MYCBP2: variants seen among roughly 807,000 people sequenced by gnomAD.
The protein encoded by MYCBP2 is E3 ubiquitin-protein ligase MYCBP2.
In MYCBP2, 120 loss-of-function variants were observed where a neutral mutation model predicts 525.3. The observed-to-expected ratio is 0.23, with a 90% CI of 0.20 to 0.27. The LOEUF is 0.27. Ranked by LOEUF, MYCBP2 falls within the 10% of genes least tolerant of loss-of-function variation. MYCBP2 has a pLI of 1.00. For synonymous variants in MYCBP2, 1,894 were observed against 1,955.8 expected (o/e 0.97, Z 0.83); for missense variants, 4,149 against 5,657.1 (o/e 0.73, Z 8.55).
chr13:77,292,424 C>T (rs186620786), intron 2 of MYCBP2, among the ~76,000 whole-genome samples: 51 of 151,934 alleles, frequency 3.4e-4, no homozygotes, highest in Non-Finnish European at 2.9e-5. Flanking sequence ...CACATACACA[C>T]ACAAGTGCAT....
chr13:77,234,510 T>G (rs1432940688), intron 17 of MYCBP2, among the ~76,000 whole-genome samples: 1 of 151,964 alleles, frequency 6.6e-6, no homozygotes, highest in African/African-American at 2.4e-5. Flanking sequence ...TTTCTAGATA[T>G]AAACAAAAAT....
intron 78 of MYCBP2, among the ~76,000 whole-genome samples, chr13:77,057,663 T>G (rs574192934): frequency 6.6e-5 from 10 of 152,264 alleles, no homozygotes; most frequent in African/African-American, 2.4e-4. Context: ...TCTGAATATT[T>G]TATACATTCT....
chr13:77,151,016 A>G lies in MYCBP2; in HGVS notation c.6916-67T>C, dbSNP rs921027595. 1.4e-4 allele frequency: 175 copies of G among 1,277,138 alleles called. 1 individual carries two copies. The highest frequency in any genetic ancestry group is 1.9e-4 in the Non-Finnish European group (167 of 887,370). 79.1% of individuals were successfully genotyped at this position (1,277,138 alleles called of 1,614,324 possible). ...ATTGTCACTGACATCAAAATAAGCA[A>G]CTTACTATTATAAACTCATAATTAT... On this transcript the variant is annotated intron_variant, in intron 46 of 82. Transcript: ENST00000544440.
At position 77,058,869 on chromosome 13, in the gene MYCBP2, CAGCTACTTAGGA is replaced by C. The variant is rs1450481617; in HGVS notation, c.13141-475_13141-464del. Among the ~76,000 whole-genome samples the C allele has an allele frequency of 1.3e-5, 2 of 152,090 alleles. No individual in the cohort carries two copies. The highest frequency in any genetic ancestry group is 2.4e-5 in the African/African-American group (1 of 41,414). On this transcript the variant is annotated intron_variant, in intron 77 of 82. Coordinates refer to ENST00000544440, the MANE Select transcript of MYCBP2 (RefSeq NM_015057.5). The surrounding 1 kb of genome is among the most constrained non-coding windows in gnomAD (Gnocchi z 4.1). ...GCATGGTGGCGCGCGCCTGTAATCC[CAGCTACTTAGGA>C]AGCTGAGGCAGGAGAATCGCTTGAA...
chr13:77,119,302 G>C (rs559104475), intron 55 of MYCBP2, among the ~76,000 whole-genome samples: 1 of 152,082 alleles, frequency 6.6e-6, no homozygotes, highest in Middle Eastern at 3.4e-3. Flanking sequence ...GTGGGGAGAG[G>C]GAACTACATC....
At chr13:77,201,553 T>C (rs2062563946) in intron 26 of MYCBP2, among the ~76,000 whole-genome samples, 1 of 151,738 alleles carries the variant, frequency 6.6e-6, no homozygotes, top group East Asian at 1.9e-4. Flanking sequence ...CTAATAGACA[T>C]CTACAGAACT....
intron 18 of MYCBP2, among the ~76,000 whole-genome samples, chr13:77,231,828 A>G (rs1345099761): frequency 1.3e-5 from 2 of 152,230 alleles, no homozygotes; most frequent in Non-Finnish European, 2.9e-5. Context: ...GAAATCATAA[A>G]AGATCAGACA....
chr13:77,268,029 GTACAATAA>G (rs148527512), intron 7 of MYCBP2, 92 bp from the exon 8 acceptor site: 17,504 of 698,222 alleles, frequency 0.025, 334 homozygotes, highest in East Asian at 0.051. Context: ...GGTTTTTGAG[GTACAATAA>G]TACATCAATA....
intron 18 of MYCBP2, among the ~76,000 whole-genome samples, chr13:77,227,438 G>A (rs1218433499): frequency 6.8e-6 from 1 of 146,700 alleles, no homozygotes; most frequent in African/African-American, 2.5e-5. Context: ...AAAGATAGTG[G>A]AATGGTAAAA....
intron 71 of MYCBP2, among the ~76,000 whole-genome samples, chr13:77,067,306 T>A (rs1449926937): frequency 2.0e-5 from 3 of 152,206 alleles, no homozygotes; most frequent in Non-Finnish European, 4.4e-5. Flanking sequence ...AAACTGAAGT[T>A]TAATTTTGTA....
chr13:77,326,240 GACACACACACACACACACAC>G lies in MYCBP2; in HGVS notation c.302+214_302+233del, dbSNP rs398023536. Among the ~76,000 whole-genome samples, 11 of 127,878 alleles carry G rather than the reference GACACACACACACACACACAC, an allele frequency of 8.6e-5. No homozygotes were observed. In the East Asian group the frequency reaches 9.3e-4, roughly 11 times the overall value. 83.9% of individuals were successfully genotyped at this position (127,878 alleles called of 152,430 possible). A position where few individuals can be genotyped will look rare whatever the true frequency, so the allele number is the denominator to read the frequency against. On this transcript the variant is annotated intron_variant, in intron 1 of 82. Coordinates refer to ENST00000544440, the MANE Select transcript of MYCBP2 (RefSeq NM_015057.5). The surrounding 1 kb of genome is among the most constrained non-coding windows in gnomAD (Gnocchi z 4.2). The stretch of plus-strand genomic sequence containing the variant: ...CACTATCCCCCCACATAGGCAGGCA[GACACACACACACACACACAC>G]ACACACACACACACACACACACACG...
Position 77,327,068 on chromosome 13 carries a change from C to T in MYCBP2, c.-293G>A, listed in dbSNP as rs551586860. On this transcript the variant is annotated 5_prime_UTR_variant, in exon 1 of 83. Transcript: ENST00000544440. ...CCACCACCGCTACCACCGCCACCACCGCCGGGGCTACCCGCAATGGGAAGC... is the reference window on the plus strand; with the variant it reads ...CCACCACCGCTACCACCGCCACCACTGCCGGGGCTACCCGCAATGGGAAGC... The T allele has an allele frequency of 5.9e-4, 261 of 439,272 alleles. No individual in the cohort carries two copies. The East Asian group carries it at 9.1e-3, about 15-fold the overall frequency. 27.2% of individuals were successfully genotyped at this position (439,272 alleles called of 1,614,324 possible). A position where few individuals can be genotyped will look rare whatever the true frequency, so the allele number is the denominator to read the frequency against.
At chr13:77,189,251 C>G (rs531586439) in intron 29 of MYCBP2, among the ~76,000 whole-genome samples, 1 of 152,178 alleles carries the variant, frequency 6.6e-6, no homozygotes, top group Non-Finnish European at 1.5e-5. Context: ...TTAAATCCTA[C>G]CTTCGCAAGA....
chr13:77,201,274 C>A (rs1250186011), intron 26 of MYCBP2, among the ~76,000 whole-genome samples: 1 of 148,702 alleles, frequency 6.7e-6, no homozygotes, highest in Admixed American at 6.7e-5. Flanking sequence ...TTTAAACCAA[C>A]AAAGATCAAA....
chr13:77,111,030 T>C (rs2048726514), intron 55 of MYCBP2, among the ~76,000 whole-genome samples: 4 of 152,188 alleles, frequency 2.6e-5, no homozygotes, highest in Admixed American at 1.3e-4. Flanking sequence ...TTACAAAAAA[T>C]GAACGTTTTG....
chr13:77,134,239 G>C (rs983223823), intron 52 of MYCBP2, among the ~76,000 whole-genome samples: 3 of 152,022 alleles, frequency 2.0e-5, no homozygotes, highest in Non-Finnish European at 4.4e-5. Context: ...GTTCTCAGCC[G>C]GGTGCAGTGG....
At chr13:77,137,934 A>T (rs2054011461) in intron 52 of MYCBP2, among the ~76,000 whole-genome samples, 2 of 152,150 alleles carry the variant, frequency 1.3e-5, no homozygotes, top group African/African-American at 4.8e-5. Context: ...CCAACAAAAA[A>T]GTCTATATTG....
chr13:77,292,390 G>T (rs1191206728), intron 2 of MYCBP2, among the ~76,000 whole-genome samples: 2 of 151,964 alleles, frequency 1.3e-5, no homozygotes, highest in Non-Finnish European at 2.9e-5. Context: ...TCCTCAGTAT[G>T]CACCCAAGAA....
intron 26 of MYCBP2, among the ~76,000 whole-genome samples, chr13:77,198,664 G>A (rs571634739): frequency 5.3e-5 from 8 of 152,236 alleles, no homozygotes; most frequent in African/African-American, 1.9e-4. Context: ...TGGCCCTTTT[G>A]GATACGAATA....
Sources: gnomAD v4.1 joint callset for allele counts (sites outside exome capture counted in the v4.1 genomes callset) on GRCh38, gnomAD v4.1.1 for gene constraint, Gnocchi (gnomAD v3.1) non-coding constraint, MANE v1.5 for transcripts, NCBI Gene and HGNC (gene_info 2026-07-23, HGNC 2026-07-21) for gene names.